Variants in GNB1 observed in about 807,000 individuals in gnomAD.
GNB1 encodes G protein subunit beta 1.
GNB1 carries 2 observed loss-of-function variants against 42.9 expected under a neutral mutation model. The ratio of observed to expected loss-of-function variants is 0.05; its 90% confidence interval spans 0.02 to 0.15. The LOEUF (loss-of-function observed/expected upper bound fraction) is 0.15, where lower values mean the gene tolerates loss of function less well. Among genes scored for constraint, GNB1 ranks in the 10% least tolerant of loss-of-function variants. GNB1 has a pLI of 1.00. For missense variants in GNB1, 193 were observed against 462.2 expected, an observed-to-expected ratio of 0.42 and a Z score of 5.34; for synonymous variants, 183 against 174.7, an observed-to-expected ratio of 1.05 and a Z score of -0.38.
At chr1:1,841,966 G>A (rs1414379590) in intron 1 of GNB1, among the ~76,000 whole-genome samples, 1 of 152,204 alleles carries the variant, frequency 6.6e-6, no homozygotes, top group South Asian at 2.1e-4. Flanking sequence ...AGCATGAATG[G>A]ATGAATAAAA....
intron 2 of GNB1, among the ~76,000 whole-genome samples, chr1:1,829,006 A>AT (rs1170434276): frequency 1.3e-5 from 2 of 152,140 alleles, no homozygotes; most frequent in African/African-American, 4.8e-5. Flanking sequence ...AGGCATTTCA[A>AT]TTTTTTTAAA....
intron 2 of GNB1, among the ~76,000 whole-genome samples, chr1:1,826,394 G>A (rs1344322261): frequency 6.6e-6 from 1 of 152,196 alleles, no homozygotes; most frequent in African/African-American, 2.4e-5. Context: ...TCCGGCCTGG[G>A]TGACAGAGCG....
intron 6 of GNB1, among the ~76,000 whole-genome samples, chr1:1,804,910 AG>A (rs1646676402): frequency 6.6e-6 from 1 of 152,240 alleles, no homozygotes; most frequent in African/African-American, 2.4e-5. Flanking sequence ...CTGTAATCCC[AG>A]CACTTTGGGA....
intron 1 of GNB1, among the ~76,000 whole-genome samples, chr1:1,872,863 C>T (rs3855951): frequency 0.83 from 125,716 of 152,004 alleles, 54,018 homozygotes; most frequent in Non-Finnish European, 0.95. Flanking sequence ...AAAGTAAGTA[C>T]TTGGTAAATA....
chr1:1,852,043 C>CA (rs1017595113), intron 1 of GNB1, among the ~76,000 whole-genome samples: 2 of 148,144 alleles, frequency 1.4e-5, no homozygotes, highest in Non-Finnish European at 3.0e-5. Context: ...AACTCCGTCT[C>CA]AAAAAAAATA....
intron 1 of GNB1, among the ~76,000 whole-genome samples, chr1:1,882,426 CAAAAAAA>C (rs5772052): frequency 7.0e-5 from 5 of 71,600 alleles, no homozygotes; most frequent in South Asian, 5.0e-4. Flanking sequence ...GACTCCAACT[CAAAAAAA>C]AAAAAAAAAA....
At chr1:1,805,440 G>A (rs949370151) in intron 6 of GNB1, among the ~76,000 whole-genome samples, 2 of 151,980 alleles carry the variant, frequency 1.3e-5, no homozygotes, top group African/African-American at 2.4e-5. Flanking sequence ...CAGCCAGGGC[G>A]GTAAGAGCAA....
At chr1:1,804,345 G>A in intron 7 of GNB1, 74 bp downstream of exon 7, 1 of 903,686 alleles carries the variant, frequency 1.1e-6, no homozygotes. Flanking sequence ...GATAAAAAGT[G>A]AGTATCCAAA....
At chr1:1,853,866 C>G (rs183732360) in intron 1 of GNB1, among the ~76,000 whole-genome samples, 1 of 152,160 alleles carries the variant, frequency 6.6e-6, no homozygotes, top group East Asian at 1.9e-4. Context: ...ACTTGGGAGT[C>G]TGAGTACATA....
chr1:1,787,330 G>T lies in GNB1; in HGVS notation c.*1C>A, dbSNP rs761389908. The T allele has an allele frequency of 1.3e-6, 2 of 1,568,118 alleles. No homozygotes were observed. The highest frequency in any genetic ancestry group is 1.8e-6 in the Non-Finnish European group (2 of 1,138,602). ...TTGGGCTGCTGCATTACCTACTGGCGTTAGTTCCAGATCTTGAGGAAGCTA... is the reference window on the plus strand; with the variant it reads ...TTGGGCTGCTGCATTACCTACTGGCTTTAGTTCCAGATCTTGAGGAAGCTA... On this transcript the variant is annotated 3_prime_UTR_variant, in exon 11 of 12. Transcript: ENST00000378609. This position sits in a 1 kb window ranked among gnomAD's most constrained non-coding sequence, Gnocchi z 4.4.
intron 5 of GNB1, among the ~76,000 whole-genome samples, chr1:1,807,482 A>C (rs1458416090): frequency 8.7e-5 from 13 of 149,320 alleles, no homozygotes; most frequent in South Asian, 2.1e-4. Flanking sequence ...AAAAAAAAAA[A>C]AAAAAAAAAA....
At chr1:1,791,753 G>T (rs1646483968) in intron 8 of GNB1, among the ~76,000 whole-genome samples, 1 of 152,238 alleles carries the variant, frequency 6.6e-6, no homozygotes, top group East Asian at 1.9e-4. Flanking sequence ...TCCTCTCTAG[G>T]GCCTGAGGGA....
chr1:1,842,242 A>G (rs369985616), intron 1 of GNB1, among the ~76,000 whole-genome samples: 1 of 152,208 alleles, frequency 6.6e-6, no homozygotes, highest in Non-Finnish European at 1.5e-5. Flanking sequence ...CATCCTGGCT[A>G]ACACGGTGAA....
At chr1:1,844,816 G>A (rs752176512) in intron 1 of GNB1, among the ~76,000 whole-genome samples, 1 of 152,158 alleles carries the variant, frequency 6.6e-6, no homozygotes, top group Non-Finnish European at 1.5e-5. Flanking sequence ...AAGCCTTGCC[G>A]TAAGTGTGGT....
intron 6 of GNB1, among the ~76,000 whole-genome samples, chr1:1,804,907 C>T (rs1161789312): frequency 6.6e-6 from 1 of 152,224 alleles, no homozygotes; most frequent in Non-Finnish European, 1.5e-5. Flanking sequence ...CGCCTGTAAT[C>T]CCAGCACTTT....
chr1:1,841,600 C>G (rs1316427908), intron 1 of GNB1, among the ~76,000 whole-genome samples: 1 of 152,224 alleles, frequency 6.6e-6, no homozygotes, highest in Non-Finnish European at 1.5e-5. Context: ...TCTTGTGAGT[C>G]TGCAAACTCA....
chr1:1,823,731 A>C (rs1646962377), intron 3 of GNB1, among the ~76,000 whole-genome samples: 1 of 152,196 alleles, frequency 6.6e-6, no homozygotes. Flanking sequence ...GTTCAGGAAC[A>C]AGTTGCCTAA....
At chr1:1,851,315 C>A (rs535559924) in intron 1 of GNB1, among the ~76,000 whole-genome samples, 8 of 151,820 alleles carry the variant, frequency 5.3e-5, no homozygotes, top group African/African-American at 1.7e-4. Context: ...GAGGCTGAGG[C>A]AGGAGAATCG....
intron 1 of GNB1, among the ~76,000 whole-genome samples, chr1:1,865,946 TA>T (rs1335375576): frequency 8.5e-5 from 13 of 152,224 alleles, no homozygotes; most frequent in Middle Eastern, 3.4e-3. Context: ...AGTATTTATT[TA>T]TTTTTTTTTT....
Sources: allele counts gnomAD v4.1 joint callset (sites outside exome capture counted in the v4.1 genomes callset), GRCh38; gene constraint gnomAD v4.1.1; non-coding constraint Gnocchi (gnomAD v3.1); transcripts MANE v1.5; gene names NCBI Gene and HGNC (gene_info 2026-07-23, HGNC 2026-07-21).